The following SSBP3 variants were observed in gnomAD, a reference collection of about 807,000 sequenced individuals.
SSBP3 encodes the protein single-stranded DNA-binding protein 3.
SSBP3 carries 5 observed loss-of-function variants against 69.6 expected under a neutral mutation model. The observed-to-expected ratio is 0.07, with a 90% CI of 0.04 to 0.15. The LOEUF is 0.15. SSBP3 is among the 10% of genes least tolerant of loss of function. SSBP3 has a pLI of 1.00. For synonymous variants in SSBP3, 196 were observed against 193.4 expected (o/e 1.01, Z -0.11); for missense variants, 312 against 534.0 (o/e 0.58, Z 4.10).
chr1:54,354,530 G>A (rs775698213), intron 4 of SSBP3, among the ~76,000 whole-genome samples: 9 of 152,108 alleles, frequency 5.9e-5, no homozygotes, highest in Admixed American at 1.3e-4. Flanking sequence ...GGTTCTCGGC[G>A]TTCACATCTA....
At chr1:54,235,664 G>A (rs1030601395) in intron 14 of SSBP3, among the ~76,000 whole-genome samples, 1 of 151,782 alleles carries the variant, frequency 6.6e-6, no homozygotes, top group Non-Finnish European at 1.5e-5. Flanking sequence ...TGTTGGTCAG[G>A]CTGGAACTCC....
intron 4 of SSBP3, among the ~76,000 whole-genome samples, chr1:54,352,558 T>TC (rs1183361676): frequency 1.3e-5 from 2 of 152,092 alleles, no homozygotes; most frequent in Non-Finnish European, 2.9e-5. Context: ...GAGAAAGTCA[T>TC]CCATATGGGG....
At chr1:54,264,204 A>G (rs549843362) in intron 5 of SSBP3, among the ~76,000 whole-genome samples, 4 of 152,112 alleles carry the variant, frequency 2.6e-5, no homozygotes, top group Admixed American at 2.6e-4. Context: ...CAGGAGACAG[A>G]GGTGGGAGGA....
intron 4 of SSBP3, among the ~76,000 whole-genome samples, chr1:54,323,078 A>C (rs1418263697): frequency 6.6e-6 from 1 of 152,232 alleles, no homozygotes; most frequent in African/African-American, 2.4e-5. Context: ...TTTTTGAGTT[A>C]TTTGGAACTT....
chr1:54,240,821 G>C (rs1644622031), intron 13 of SSBP3, 84 bp downstream of exon 13: 30 of 1,569,558 alleles, frequency 1.9e-5, no homozygotes, highest in Non-Finnish European at 2.4e-5. Flanking sequence ...CTCTGGCTCT[G>C]CAACAGTGCC....
chr1:54,354,450 G>A (rs3855974), intron 4 of SSBP3, among the ~76,000 whole-genome samples: 4,028 of 152,310 alleles, frequency 0.026, 276 homozygotes, highest in Admixed American at 0.17. Context: ...GAGGCAGTGG[G>A]TGAAGTGGGG....
chr1:54,256,613 T>C (rs1398163018), intron 7 of SSBP3, among the ~76,000 whole-genome samples: 1 of 152,152 alleles, frequency 6.6e-6, no homozygotes, highest in Non-Finnish European at 1.5e-5. Flanking sequence ...CAGACATTGC[T>C]GAAAAACTCA....
chr1:54,272,354 C>T (rs1378107749), intron 5 of SSBP3, among the ~76,000 whole-genome samples: 1 of 152,102 alleles, frequency 6.6e-6, no homozygotes, highest in Non-Finnish European at 1.5e-5. Context: ...AGGTTCCTCC[C>T]ACTGTGGCAT....
intron 10 of SSBP3, 181 bp downstream of exon 10, chr1:54,243,054 G>T (rs1557452772): frequency 1.5e-6 from 1 of 650,892 alleles, no homozygotes; most frequent in Non-Finnish European, 2.7e-6. Flanking sequence ...GGCACACAGA[G>T]GCACTCTATG....
intron 5 of SSBP3, among the ~76,000 whole-genome samples, chr1:54,274,051 T>C (rs1557484255): frequency 6.6e-6 from 1 of 151,952 alleles, no homozygotes; most frequent in East Asian, 1.9e-4. Flanking sequence ...CCTGGAGGAG[T>C]GAACACATCC....
intron 14 of SSBP3, among the ~76,000 whole-genome samples, chr1:54,229,156 T>G (rs1644339238): frequency 6.6e-6 from 1 of 152,132 alleles, no homozygotes; most frequent in South Asian, 2.1e-4. Flanking sequence ...GTGGAGAGTG[T>G]GGTTCCCCAG....
At chr1:54,349,448 T>G (rs932803111) in intron 4 of SSBP3, among the ~76,000 whole-genome samples, 1 of 152,232 alleles carries the variant, frequency 6.6e-6, no homozygotes. Flanking sequence ...ACTGACCATC[T>G]TGGGGACAGA....
chr1:54,314,641 C>T (rs907853128), intron 4 of SSBP3, among the ~76,000 whole-genome samples: 2 of 152,226 alleles, frequency 1.3e-5, no homozygotes, highest in African/African-American at 4.8e-5. Flanking sequence ...ATTCTATGAA[C>T]TTAAATATTT....
At chr1:54,385,022 C>A (rs1242915782) in intron 4 of SSBP3, among the ~76,000 whole-genome samples, 1 of 152,142 alleles carries the variant, frequency 6.6e-6, no homozygotes, top group Non-Finnish European at 1.5e-5. Flanking sequence ...TGGGCAGGGA[C>A]AGGGAAGGAC....
chr1:54,309,876 T>C (rs867963619), intron 4 of SSBP3, among the ~76,000 whole-genome samples: 1 of 152,130 alleles, frequency 6.6e-6, no homozygotes, highest in South Asian at 2.1e-4. Context: ...GGCGCTTTCT[T>C]GTCGTTTCCA....
At chr1:54,370,743 C>G (rs1647118789) in intron 4 of SSBP3, among the ~76,000 whole-genome samples, 1 of 152,166 alleles carries the variant, frequency 6.6e-6, no homozygotes, top group Non-Finnish European at 1.5e-5. Context: ...CAGTTCTTCT[C>G]CACAAGAGTG....
rs72910030 is a variant in SSBP3 at position 54,253,244 on chromosome 1, T to G, written c.508-1384A>C. Among the ~76,000 whole-genome samples, 1,372 of 148,132 alleles carry G rather than the reference T, an allele frequency of 9.3e-3. 17 individuals carry two copies. Among genetic ancestry groups the G allele is most frequent in the African/African-American group, 0.033 (1,307 of 40,170 alleles). On this transcript the variant is annotated intron_variant, in intron 7 of 17. Coordinates refer to ENST00000610401, the Ensembl canonical transcript of SSBP3. ...GCTTGCTCTGTTGCCCAGGTTGGAA[T>G]GCAGTAGTGTGATCACAGCTCACTG... is the stretch of plus-strand genomic sequence containing the variant.
chr1:54,260,105 G>A (rs766166592), intron 5 of SSBP3, among the ~76,000 whole-genome samples: 5 of 152,154 alleles, frequency 3.3e-5, no homozygotes, highest in Non-Finnish European at 7.4e-5. Flanking sequence ...TAATGAAGGC[G>A]GGACATATTT....
intron 4 of SSBP3, among the ~76,000 whole-genome samples, chr1:54,282,755 T>G (rs1645420499): frequency 6.6e-6 from 1 of 152,212 alleles, no homozygotes; most frequent in South Asian, 2.1e-4. Context: ...CAGGGGCTCC[T>G]TCTACAGGAA....
Sources: allele counts gnomAD v4.1 joint callset (sites outside exome capture counted in the v4.1 genomes callset), GRCh38; gene constraint gnomAD v4.1.1; transcripts MANE v1.5; gene names NCBI Gene and HGNC (gene_info 2026-07-23, HGNC 2026-07-21).